The following ELMOD2 variants were observed in gnomAD, a reference collection of about 807,000 sequenced individuals.
The protein encoded by ELMOD2 is ELMO domain-containing protein 2.
Under a neutral mutation model 41.0 loss-of-function variants are expected in ELMOD2, and 28 were observed. The observed-to-expected ratio is 0.68, with a 90% CI of 0.51 to 0.94. ELMOD2 has a LOEUF of 0.94. ELMOD2 is among the 40% of genes least tolerant of loss of function. The pLI is 0.00. For missense variants in ELMOD2, 333 were observed against 343.1 expected, an observed-to-expected ratio of 0.97 and a Z score of 0.23; for synonymous variants, 106 against 107.2, an observed-to-expected ratio of 0.99 and a Z score of 0.07.
chr4:140,541,775 T>C (rs1302921379), intron 6 of ELMOD2, among the ~76,000 whole-genome samples: 2 of 152,026 alleles, frequency 1.3e-5, no homozygotes, highest in Non-Finnish European at 2.9e-5. Context: ...GGGTTGAAAA[T>C]TAGAGCCAGT....
intron 6 of ELMOD2, 78 bp downstream of exon 6, chr4:140,540,379 G>T: frequency 3.9e-6 from 6 of 1,545,090 alleles, no homozygotes; most frequent in Non-Finnish European, 5.3e-6. Flanking sequence ...CTAATAAGAA[G>T]TGATCTAGTT....
Position 140,540,277 on chromosome 4 carries a change from G to A in ELMOD2, c.509G>A (p.Gly170Asp), listed in dbSNP as rs745411173. 1.9e-6 allele frequency: 3 copies of A among 1,613,862 alleles called. No individual in the cohort carries two copies. Among genetic ancestry groups the A allele is most frequent in the East Asian group, 2.2e-5 (1 of 44,872 alleles). The change falls in exon 6 of 9, where the codon GGC becomes GAC. Residue 170 changes from glycine to aspartate, a missense_variant. By Grantham distance (94) the Gly-to-Asp change is moderately conservative. Transcript: ENST00000323570. ...CCCAAGACAGACTTCAGAGGCATGG[G>A]CATACTTGGGTTAATCAATCTTGTG... is the stretch of plus-strand genomic sequence containing the variant. ...DDPKTDFRGM[G>D]ILGLINLVYF...
intron 1 of ELMOD2, chr4:140,524,541 C>T: frequency 1.0e-6 from 1 of 953,626 alleles, no homozygotes; most frequent in Non-Finnish European, 1.2e-6. Context: ...TCCTAATGAG[C>T]GCGGACTAGA....
chr4:140,544,473 GT>G (rs1232506766), intron 8 of ELMOD2, among the ~76,000 whole-genome samples: 2 of 151,984 alleles, frequency 1.3e-5, no homozygotes, highest in Non-Finnish European at 2.9e-5. Context: ...GCCTTTAGCA[GT>G]TTTTTTGTGG....
In ELMOD2 at chr4:140,535,838, T is replaced by G. The variant is rs766666426; in HGVS notation, c.269+8T>G. 109 of 1,590,962 alleles carry G rather than the reference T, an allele frequency of 6.9e-5. No individual in the cohort carries two copies. The highest frequency in any genetic ancestry group is 9.1e-5 in the Non-Finnish European group (107 of 1,172,660). ...CCCTGAGAAGGATGCCAGGTGTGCG[T>G]TTTTTACATTATTCTTTTTTATTAT... On this transcript the variant is annotated splice_region_variant and intron_variant, in intron 4 of 8. Transcript: ENST00000323570.
intron 3 of ELMOD2, among the ~76,000 whole-genome samples, chr4:140,535,047 G>A (rs1041352791): frequency 6.6e-6 from 1 of 151,792 alleles, no homozygotes; most frequent in African/African-American, 2.4e-5. Flanking sequence ...AGACTTTGTT[G>A]ACCATATCTG....
chr4:140,541,485 A>G (rs1441428529), intron 6 of ELMOD2, among the ~76,000 whole-genome samples: 1 of 152,160 alleles, frequency 6.6e-6, no homozygotes, highest in Non-Finnish European at 1.5e-5. Flanking sequence ...AATTATTACA[A>G]AAATGAAATA....
intron 3 of ELMOD2, among the ~76,000 whole-genome samples, chr4:140,530,664 A>G (rs1306211211): frequency 6.6e-6 from 1 of 152,174 alleles, no homozygotes; most frequent in Non-Finnish European, 1.5e-5. Context: ...CAAATGGGTA[A>G]ATACTGAAAT....
In ELMOD2 at chr4:140,542,527, A is replaced by C. The variant is rs371769622; in HGVS notation, c.534-47A>C. 4 of 1,425,188 alleles carry C rather than the reference A, an allele frequency of 2.8e-6. No individual in the cohort carries two copies. The East Asian group carries it at 9.2e-5, about 33-fold the overall frequency. The allele number at this position is 1,425,188 out of a possible 1,614,324, so 88.3% of individuals were successfully genotyped here. ...TTTAAATTGGTTCTGGATATCTTAC[A>C]TTTGAATGGCGTACATTTGTTTGAT... On this transcript the variant is annotated intron_variant, in intron 6 of 8. Coordinates refer to ENST00000323570, the MANE Select transcript of ELMOD2 (RefSeq NM_153702.4).
chr4:140,529,777 A>G (rs916999920), intron 3 of ELMOD2, among the ~76,000 whole-genome samples: 2 of 152,184 alleles, frequency 1.3e-5, no homozygotes, highest in Admixed American at 6.5e-5. Context: ...GACATTCTCT[A>G]TGAGATTTTC....
At chr4:140,526,047 A>G (rs966979434) in intron 2 of ELMOD2, among the ~76,000 whole-genome samples, 3 of 152,230 alleles carry the variant, frequency 2.0e-5, no homozygotes, top group Non-Finnish European at 4.4e-5. Context: ...GTCCAATACC[A>G]TAGCCAATAG....
intron 7 of ELMOD2, among the ~76,000 whole-genome samples, chr4:140,543,210 T>G (rs1175166992): frequency 1.3e-5 from 2 of 151,976 alleles, no homozygotes; most frequent in African/African-American, 4.8e-5. Flanking sequence ...GAATTTTAGT[T>G]TTAGATATCA....
rs532025122 is a variant in ELMOD2, at chr4:140,536,217, C to T, written c.269+387C>T. Among the ~76,000 whole-genome samples the T allele has an allele frequency of 9.2e-5, 14 of 152,296 alleles. No homozygotes were observed. The South Asian group carries it at 2.5e-3, about 27-fold the overall frequency. On this transcript the variant is annotated intron_variant, in intron 4 of 8. Coordinates refer to ENST00000323570, the MANE Select transcript of ELMOD2 (RefSeq NM_153702.4). ...TTGCTGTGGCATCTCATAGTGCTAT[C>T]ATACCATTTAACCCATTGTACTATA...
At chr4:140,541,909 G>A (rs1735116541) in intron 6 of ELMOD2, among the ~76,000 whole-genome samples, 1 of 151,966 alleles carries the variant, frequency 6.6e-6, no homozygotes, top group Non-Finnish European at 1.5e-5. Flanking sequence ...ATAAACCATG[G>A]ACATTTATTT....
chr4:140,545,111 C>T (rs920863087), intron 8 of ELMOD2, among the ~76,000 whole-genome samples: 2 of 152,282 alleles, frequency 1.3e-5, no homozygotes, highest in African/African-American at 2.4e-5. Flanking sequence ...TGACTCTGCT[C>T]ACACTGATTT....
intron 4 of ELMOD2, among the ~76,000 whole-genome samples, chr4:140,536,811 A>G (rs1734943531): frequency 6.6e-6 from 1 of 152,180 alleles, no homozygotes; most frequent in Non-Finnish European, 1.5e-5. Flanking sequence ...GTAAGAAATG[A>G]CAAAGGCATA....
intron 1 of ELMOD2, 114 bp from the exon 2 acceptor site, chr4:140,525,306 A>G: frequency 8.7e-7 from 1 of 1,153,888 alleles, no homozygotes; most frequent in Non-Finnish European, 1.2e-6. Context: ...GTCAAAACAG[A>G]CACAATGAAA....
At chr4:140,550,070 CTTA>C (rs1174009025) in intron 8 of ELMOD2, among the ~76,000 whole-genome samples, 157 bp from the exon 9 acceptor site, 2 of 152,046 alleles carry the variant, frequency 1.3e-5, no homozygotes, top group Non-Finnish European at 2.9e-5. Context: ...TTTATTAAGT[CTTA>C]TTAAGTCCCT....
At chr4:140,542,404 A>G (rs913222290) in intron 6 of ELMOD2, 170 bp from the exon 7 acceptor site, 1 of 523,098 alleles carries the variant, frequency 1.9e-6, no homozygotes. Context: ...TAGCTTGGGA[A>G]ATTTTGATTC....
Sources: gnomAD v4.1 joint callset for allele counts (sites outside exome capture counted in the v4.1 genomes callset) on GRCh38, gnomAD v4.1.1 for gene constraint, MANE v1.5 for transcripts, NCBI Gene and HGNC (gene_info 2026-07-23, HGNC 2026-07-21) for gene names.